Variants in CIT observed in about 807,000 individuals in gnomAD.
CIT encodes the protein citron rho-interacting serine/threonine kinase, also known as citron Rho-interacting kinase.
Under a neutral mutation model 272.7 loss-of-function variants are expected in CIT, and 79 were observed. The observed-to-expected ratio is 0.29, with a 90% CI of 0.24 to 0.35. CIT has a LOEUF of 0.35. CIT is among the 10% of genes least tolerant of loss of function. The pLI, the probability that CIT is intolerant of heterozygous loss-of-function variation, is 1.00. For synonymous variants in CIT, 948 were observed against 995.6 expected (o/e 0.95, Z 0.90); for missense variants, 1,909 against 2,618.3 (o/e 0.73, Z 5.91).
At position 119,701,680 on chromosome 12, in the gene CIT, G is replaced by C; in HGVS notation, c.5486C>G (p.Ser1829Ter). 1 of 1,614,222 alleles carries C rather than the reference G, an allele frequency of 6.2e-7. No homozygotes were observed. Among genetic ancestry groups the C allele is most frequent in the Non-Finnish European group, 8.5e-7 (1 of 1,180,034 alleles). Residue 1829 changes from serine to a stop codon, truncating the protein, a stop_gained, in exon 43 of 48, where the codon TCA becomes TGA. Coordinates refer to ENST00000392521, the MANE Select transcript of CIT (RefSeq NM_001206999.2). LOFTEE classifies it high-confidence loss of function. Reference protein sequence around the residue: ...FAASSNSFPVSIVQVNSAGQR... With the variant: ...FAASSNSFPV ...CCCTGCGCTGTTCACCTGCACGATT[G>C]AGACAGGGAAGCTGTTGGAAGAGGC...
chr12:119,734,646 T>C (rs1958656169), intron 25 of CIT, among the ~76,000 whole-genome samples: 1 of 152,038 alleles, frequency 6.6e-6, no homozygotes, highest in Non-Finnish European at 1.5e-5. Context: ...TATCTATCTT[T>C]ATTTTTTCGA....
chr12:119,766,942 G>T, intron 19 of CIT, 145 bp downstream of exon 19: 1 of 445,136 alleles, frequency 2.2e-6, no homozygotes, highest in Non-Finnish European at 3.9e-6. Flanking sequence ...GTAACACCCT[G>T]AAATCTCTCA....
rs567860375 is a variant in CIT at position 119,822,791 on chromosome 12, C to G, written c.1111+29G>C. On this transcript the variant is annotated intron_variant, in intron 9 of 47. Transcript: ENST00000392521. ...CTTGAGTGTTTCATAATCCCAACATCCCAAATTAAGGAAAACAGCCCTACT... is the reference window on the plus strand; with the variant it reads ...CTTGAGTGTTTCATAATCCCAACATGCCAAATTAAGGAAAACAGCCCTACT... 59 of 1,611,760 alleles carry G rather than the reference C, an allele frequency of 3.7e-5. No homozygotes were observed. The South Asian group carries it at 5.7e-4, about 16-fold the overall frequency.
intron 9 of CIT, among the ~76,000 whole-genome samples, chr12:119,808,302 C>T (rs1373054183): frequency 6.6e-6 from 1 of 152,162 alleles, no homozygotes; most frequent in Non-Finnish European, 1.5e-5. Context: ...TCATTCCCAC[C>T]TTTGATTTTT....
At chr12:119,769,719 A>G (rs916182333) in intron 18 of CIT, among the ~76,000 whole-genome samples, 2 of 152,244 alleles carry the variant, frequency 1.3e-5, no homozygotes, top group Non-Finnish European at 2.9e-5. Flanking sequence ...AGACATATAT[A>G]CAAAGACTGG....
intron 26 of CIT, among the ~76,000 whole-genome samples, chr12:119,731,444 C>G (rs910238119): frequency 4.2e-5 from 6 of 144,122 alleles, no homozygotes; most frequent in Non-Finnish European, 9.0e-5. Context: ...CACTGCACTC[C>G]AGCCTGGGCA....
In CIT at chr12:119,700,776, A is replaced by T; in HGVS notation, c.5592T>A (p.Asp1864Glu). 1 of 1,614,066 alleles carries T rather than the reference A, an allele frequency of 6.2e-7. No individual in the cohort carries two copies. Residue 1864 changes from aspartate to glutamate, a missense_variant, in exon 44 of 48, where the codon GAT becomes GAA. Coordinates refer to ENST00000392521, the MANE Select transcript of CIT (RefSeq NM_001206999.2). ...DSYGRRSRTDDLKWSRLPLAF... is the reference protein window; with the variant it reads ...DSYGRRSRTDELKWSRLPLAF... ...CCAAAGGTAAGCGACTCCACTTGAG[A>T]TCGTCTGTGCGGCTACGTCTTCCGT...
intron 19 of CIT, among the ~76,000 whole-genome samples, chr12:119,765,633 G>C (rs1198880981): frequency 6.6e-6 from 1 of 151,266 alleles, no homozygotes; most frequent in Non-Finnish European, 1.5e-5. Context: ...ACCACACCCA[G>C]CTAATTTTTG....
At position 119,687,867 on chromosome 12, in the gene CIT, A is replaced by T. The variant is rs1249664272; in HGVS notation, c.*365T>A. ...AAAACCAACCAATCCTAGGATCTTA[A>T]AGTAGCTAATTAGGATTCTAACCAT... On this transcript the variant is annotated 3_prime_UTR_variant, in exon 48 of 48. Coordinates refer to ENST00000392521, the MANE Select transcript of CIT (RefSeq NM_001206999.2). The T allele has an allele frequency of 3.9e-6, 1 of 257,176 alleles. No homozygotes were observed. The highest frequency in any genetic ancestry group is 7.3e-6 in the Non-Finnish European group (1 of 137,150). The allele number at this position is 257,176 out of a possible 1,614,324, so 15.9% of individuals were successfully genotyped here.
Position 119,710,671 on chromosome 12 carries a change from T to C in CIT, c.4855-51A>G. On this transcript the variant is annotated intron_variant, in intron 37 of 47. Coordinates refer to ENST00000392521, the MANE Select transcript of CIT (RefSeq NM_001206999.2). The surrounding 1 kb of genome is among the most constrained non-coding windows in gnomAD (Gnocchi z 5.6). ...AACAGAAGACATCGTGAGGCTGATC[T>C]GTTTATGACCAAACCATCCAGAGAA... The C allele has an allele frequency of 6.5e-7, 1 of 1,535,276 alleles. No individual in the cohort carries two copies. The highest frequency in any genetic ancestry group is 9.0e-7 in the Non-Finnish European group (1 of 1,108,372).
chr12:119,761,155 C>T, intron 19 of CIT, 100 bp from the exon 20 acceptor site: 1 of 931,542 alleles, frequency 1.1e-6, no homozygotes, highest in Non-Finnish European at 1.8e-6. Flanking sequence ...AGGAGAAAAG[C>T]AGGGGAGAGG....
chr12:119,766,251 A>G (rs1463030217), intron 19 of CIT, among the ~76,000 whole-genome samples: 1 of 152,202 alleles, frequency 6.6e-6, no homozygotes, highest in African/African-American at 2.4e-5. Flanking sequence ...GGAAAAAAAA[A>G]AGAAAGAAAA....
chr12:119,778,587 A>G (rs1405869739), intron 13 of CIT, among the ~76,000 whole-genome samples: 1 of 152,148 alleles, frequency 6.6e-6, no homozygotes, highest in Non-Finnish European at 1.5e-5. Flanking sequence ...GATAAATTGC[A>G]ATTTTTGAAT....
At chr12:119,772,554 A>G (rs1450954048) in intron 17 of CIT, among the ~76,000 whole-genome samples, 1 of 152,200 alleles carries the variant, frequency 6.6e-6, no homozygotes, top group Non-Finnish European at 1.5e-5. Context: ...GAAAGAAAAA[A>G]CTTCTATGAA....
intron 40 of CIT, among the ~76,000 whole-genome samples, chr12:119,704,975 T>A (rs996847501): frequency 1.3e-5 from 2 of 152,158 alleles, no homozygotes; most frequent in African/African-American, 2.4e-5. Context: ...TGCAGTGGCA[T>A]GATCTCGGCT....
chr12:119,857,913 A>G (rs996355032), intron 3 of CIT, among the ~76,000 whole-genome samples: 4 of 152,232 alleles, frequency 2.6e-5, no homozygotes, highest in African/African-American at 9.6e-5. Context: ...TCCAAAGTAC[A>G]GTTTCCATGG....
In CIT at chr12:119,713,426, G is replaced by C. The variant is rs778945077; in HGVS notation, c.4487+42C>G. The C allele has an allele frequency of 5.1e-6, 8 of 1,569,854 alleles. No individual in the cohort carries two copies. Among genetic ancestry groups the C allele is most frequent in the Non-Finnish European group, 5.2e-6 (6 of 1,161,546 alleles). On this transcript the variant is annotated intron_variant, in intron 34 of 47. Coordinates refer to ENST00000392521, the MANE Select transcript of CIT (RefSeq NM_001206999.2). This position sits in a 1 kb window ranked among gnomAD's most constrained non-coding sequence, Gnocchi z 5.2. ...GAAAACATCAGGGACAGAGTGGCTTGTGCCAGCACCTGCTCCAGCCCAAGC... is the reference window on the plus strand; with the variant it reads ...GAAAACATCAGGGACAGAGTGGCTTCTGCCAGCACCTGCTCCAGCCCAAGC...
At chr12:119,822,590 A>G (rs1465938130) in intron 9 of CIT, among the ~76,000 whole-genome samples, 1 of 152,252 alleles carries the variant, frequency 6.6e-6, no homozygotes, top group Admixed American at 6.5e-5. Context: ...AATATTCTAA[A>G]GGCCACATAA....
rs760827496 is a variant in CIT at position 119,690,250 on chromosome 12, G to A, written c.6087C>T (p.Ser2029=). The stretch of plus-strand genomic sequence containing the variant: ...TCCCGGGGGACCGCTCTCTCCGCGT[G>A]CTGAGCATCCGGCCGGGGGACTTCT... ...EREKSPGRML[S]TRRERSPGRL... Residue 2029 remains serine, a synonymous_variant, in exon 47 of 48, where the codon AGC becomes AGT. Transcript: ENST00000392521. The surrounding 1 kb of genome is among the most constrained non-coding windows in gnomAD (Gnocchi z 6.0). 4.5e-6 allele frequency: 7 copies of A among 1,568,198 alleles called. No homozygotes were observed. The African/African-American group carries it at 9.6e-5, about 22-fold the overall frequency.
Sources: allele counts gnomAD v4.1 joint callset (sites outside exome capture counted in the v4.1 genomes callset), GRCh38; gene constraint gnomAD v4.1.1; non-coding constraint Gnocchi (gnomAD v3.1); transcripts MANE v1.5; gene names NCBI Gene and HGNC (gene_info 2026-07-23, HGNC 2026-07-21).